The following CDH18 variants were observed in gnomAD, a reference collection of about 807,000 sequenced individuals.
The protein encoded by CDH18 is cadherin 18.
CDH18 carries 31 observed loss-of-function variants against 67.9 expected under a neutral mutation model. The observed-to-expected ratio is 0.46, with a 90% confidence interval of 0.34 to 0.62. The LOEUF (loss-of-function observed/expected upper bound fraction) is 0.62, where lower values mean the gene tolerates loss of function less well. Ranked by LOEUF, CDH18 falls within the 20% of genes least tolerant of loss-of-function variation. CDH18 has a pLI of 0.01. For missense variants in CDH18, 890 were observed against 975.5 expected (o/e 0.91, Z 1.17); for synonymous variants, 362 against 347.2 (o/e 1.04, Z -0.48).
At chr5:20,172,200 A>G (rs1343717514) in intron 2 of CDH18, among the ~76,000 whole-genome samples, 4 of 36,392 alleles carry the variant, frequency 1.1e-4, no homozygotes, top group African/African-American at 4.3e-4. Context: ...GTATATATAT[A>G]TATATATATA....
chr5:20,351,057 A>C (rs1741131524), intron 1 of CDH18, among the ~76,000 whole-genome samples: 1 of 151,896 alleles, frequency 6.6e-6, no homozygotes, highest in South Asian at 2.1e-4. Context: ...GCTTACCTTA[A>C]CTGTTCTATT....
At chr5:20,342,855 A>C (rs1195957353) in intron 1 of CDH18, among the ~76,000 whole-genome samples, 1 of 152,144 alleles carries the variant, frequency 6.6e-6, no homozygotes, top group Non-Finnish European at 1.5e-5. Flanking sequence ...AGTGTAGAGT[A>C]AGGGATTCAA....
At chr5:20,092,597 T>C (rs895004089) in intron 2 of CDH18, among the ~76,000 whole-genome samples, 2 of 152,156 alleles carry the variant, frequency 1.3e-5, no homozygotes, top group African/African-American at 4.8e-5. Context: ...GTATTGAAAA[T>C]TTGAATTATC....
At chr5:20,023,658 C>CA (rs58583654) in intron 2 of CDH18, among the ~76,000 whole-genome samples, 38 of 83,956 alleles carry the variant, frequency 4.5e-4, no homozygotes, top group African/African-American at 7.1e-4. Context: ...GACTCCGTCT[C>CA]AAAAAAAAAA....
intron 1 of CDH18, among the ~76,000 whole-genome samples, chr5:20,500,342 T>A (rs1399905043): frequency 2.6e-5 from 4 of 152,170 alleles, no homozygotes; most frequent in Admixed American, 1.3e-4. Flanking sequence ...GATGCTCATC[T>A]GAAACTGATT....
intron 1 of CDH18, among the ~76,000 whole-genome samples, chr5:20,519,605 A>C (rs1327110649): frequency 6.6e-6 from 1 of 152,082 alleles, no homozygotes; most frequent in Non-Finnish European, 1.5e-5. Flanking sequence ...ATATACCCTA[A>C]AACTTAAAGT....
intron 4 of CDH18, among the ~76,000 whole-genome samples, chr5:19,723,872 C>T (rs1288458397): frequency 1.3e-5 from 2 of 151,972 alleles, no homozygotes; most frequent in Non-Finnish European, 2.9e-5. Flanking sequence ...TGCCACCACA[C>T]CCAGCTAATT....
At chr5:20,058,928 G>A (rs796148365) in intron 2 of CDH18, among the ~76,000 whole-genome samples, 36 of 152,148 alleles carry the variant, frequency 2.4e-4, no homozygotes, top group African/African-American at 7.0e-4. Context: ...CTGTGAATCC[G>A]TCTGGTCCTG....
rs1392723819 is a variant in CDH18, at chr5:19,571,489, A to G, written c.1253+90T>C. On this transcript the variant is annotated intron_variant, in intron 8 of 12. Transcript: ENST00000382275. ...ATTCGTAGAAAACAACGTAGAAATA[A>G]AACATTTTAAGTGTAATTTTATTCA... 6.9e-6 allele frequency: 8 copies of G among 1,162,766 alleles called. No individual in the cohort carries two copies. The East Asian group carries it at 1.9e-4, about 28-fold the overall frequency. 72.0% of individuals were successfully genotyped at this position (1,162,766 alleles called of 1,614,324 possible).
intron 1 of CDH18, among the ~76,000 whole-genome samples, chr5:20,274,472 T>C (rs946414292): frequency 1.3e-5 from 2 of 152,104 alleles, no homozygotes; most frequent in Non-Finnish European, 2.9e-5. Flanking sequence ...TTTTCCTGGA[T>C]CAGAAAGAAG....
chr5:19,717,165 G>C (rs1291101378), intron 5 of CDH18, among the ~76,000 whole-genome samples: 1 of 152,084 alleles, frequency 6.6e-6, no homozygotes, highest in East Asian at 1.9e-4. Context: ...CGTGACATCA[G>C]GTTTTAATTT....
At chr5:19,881,175 C>T (rs1372956113) in intron 2 of CDH18, among the ~76,000 whole-genome samples, 1 of 152,062 alleles carries the variant, frequency 6.6e-6, no homozygotes, top group Non-Finnish European at 1.5e-5. Flanking sequence ...AAATTACTAA[C>T]ATTTGGAAAC....
At chr5:20,557,906 AATGTTATAGTTATATAACATTT>A (rs1757994539) in intron 1 of CDH18, among the ~76,000 whole-genome samples, 8 of 66,746 alleles carry the variant, frequency 1.2e-4, no homozygotes, top group African/African-American at 3.3e-4. Flanking sequence ...TATAACATTT[AATGTTATAGTTATATAACATTT>A]AATGTTATAG....
intron 1 of CDH18, among the ~76,000 whole-genome samples, chr5:20,402,737 T>A (rs904576679): frequency 2.6e-5 from 4 of 152,066 alleles, no homozygotes; most frequent in Admixed American, 6.6e-5. Flanking sequence ...GCTGCTGACT[T>A]ATCAGGGTGC....
At chr5:19,539,650 C>A (rs1749935700) in intron 9 of CDH18, among the ~76,000 whole-genome samples, 2 of 132,800 alleles carry the variant, frequency 1.5e-5, no homozygotes, top group African/African-American at 6.0e-5. Flanking sequence ...ACAGTCATGG[C>A]AGAAGGCAAA....
At chr5:20,145,439 C>G (rs561102003) in intron 2 of CDH18, among the ~76,000 whole-genome samples, 1 of 152,126 alleles carries the variant, frequency 6.6e-6, no homozygotes, top group African/African-American at 2.4e-5. Flanking sequence ...CCCTGCATGA[C>G]TAATCATTGT....
intron 1 of CDH18, among the ~76,000 whole-genome samples, chr5:20,266,087 C>T (rs1197467410): frequency 6.6e-6 from 1 of 152,206 alleles, no homozygotes; most frequent in African/African-American, 2.4e-5. Flanking sequence ...ACACCATTAT[C>T]TCCCCTGGTT....
rs1019559653 is a variant in CDH18 at position 20,178,178 on chromosome 5, T to G, written c.-518+77266A>C. On this transcript the variant is annotated intron_variant, in intron 2 of 14. Coordinates refer to the CDH18 transcript ENST00000507958. ...TTGACATTGGACTTGAATTAAAACA[T>G]GGGTGCTTCTCGGAGCTCAAGACTA... 7.2e-5 allele frequency among the ~76,000 whole-genome samples: 11 copies of G among 152,194 alleles called. No individual in the cohort carries two copies. The Middle Eastern group carries it at 0.01, about 141-fold the overall frequency.
chr5:20,373,968 A>T (rs1743214288), intron 1 of CDH18, among the ~76,000 whole-genome samples: 1 of 152,202 alleles, frequency 6.6e-6, no homozygotes, highest in Non-Finnish European at 1.5e-5. Flanking sequence ...AATTTGAGAC[A>T]TTTACAAAAT....
Sources: allele counts gnomAD v4.1 joint callset (sites outside exome capture counted in the v4.1 genomes callset), GRCh38; gene constraint gnomAD v4.1.1; transcripts MANE v1.5; gene names NCBI Gene and HGNC (gene_info 2026-07-23, HGNC 2026-07-21).